The following PIEZO1 variants were observed in gnomAD, a reference collection of about 807,000 sequenced individuals.
The protein encoded by PIEZO1 is piezo type mechanosensitive ion channel component 1 (Er blood group), also known as piezo-type mechanosensitive ion channel component 1.
A neutral mutation model predicts 297.2 loss-of-function variants in PIEZO1; 296 were observed. That is an observed-to-expected ratio of 1.00 (90% CI 0.91 to 1.10). The LOEUF (loss-of-function observed/expected upper bound fraction) is 1.10, where lower values mean the gene tolerates loss of function less well. PIEZO1 is among the 50% of genes least tolerant of loss of function. The probability of loss-of-function intolerance (pLI) is 0.00; values close to 1 mark genes in which losing one functional copy is unlikely to be tolerated. For missense variants in PIEZO1, 5,018 were observed against 3,455.5 expected (o/e 1.45, Z -11.34); for synonymous variants, 2,427 against 1,507.5 (o/e 1.61, Z -14.13).
intron 1 of PIEZO1, among the ~76,000 whole-genome samples, chr16:88,757,149 G>A (rs1906703512): frequency 6.6e-6 from 1 of 152,208 alleles, no homozygotes; most frequent in African/African-American, 2.4e-5. Flanking sequence ...GGCTGAGGCA[G>A]GCAGATGGCA....
chr16:88,743,164 C>A (rs1190649411), intron 2 of PIEZO1: 1 of 455,688 alleles, frequency 2.2e-6, no homozygotes. Flanking sequence ...AGCCCCCCAG[C>A]AGGGAGGCCT....
rs1208289716 is a variant in PIEZO1, at chr16:88,726,855, G to C, written c.3559C>G (p.Leu1187Val). Residue 1187 changes from leucine (L) to valine (V), a missense_variant, in exon 25 of 51, where the codon CTG becomes GTG. Transcript: ENST00000301015. Reference protein sequence around the residue: ...TGATRISIFGLGYLLACFYLL... With the variant: ...TGATRISIFGVGYLLACFYLL... ...TAGAAGCAGGCCAGCAGGTAGCCCA[G>C]CCCGAAGATGCTGATGCGGGTGGCC... is the stretch of plus-strand genomic sequence containing the variant. The C allele has an allele frequency of 3.2e-6, 5 of 1,550,298 alleles. No homozygotes were observed. The highest frequency in any genetic ancestry group is 2.4e-5 in the East Asian group (1 of 40,930).
At position 88,722,205 on chromosome 16, in the gene PIEZO1, G is replaced by A. The variant is rs892032306; in HGVS notation, c.4955+13C>T. 1.2e-5 allele frequency: 19 copies of A among 1,542,898 alleles called. No individual in the cohort carries two copies. Among genetic ancestry groups the A allele is most frequent in the East Asian group, 2.4e-5 (1 of 40,912 alleles). ...CCATGGTGAGGCTGGTGTTGTGCGCGTCCCGCCCCCACCTGTCCAGGAGCA... is the reference window on the plus strand; with the variant it reads ...CCATGGTGAGGCTGGTGTTGTGCGCATCCCGCCCCCACCTGTCCAGGAGCA... On this transcript the variant is annotated intron_variant, in intron 36 of 50. Coordinates refer to ENST00000301015, the MANE Select transcript of PIEZO1 (RefSeq NM_001142864.4).
At chr16:88,784,315 A>AT (rs1416861016) in intron 1 of PIEZO1, among the ~76,000 whole-genome samples, 1 of 151,984 alleles carries the variant, frequency 6.6e-6, no homozygotes, top group African/African-American at 2.4e-5. Context: ...AACCCACACT[A>AT]TTTTTTTCCA....
At position 88,720,241 on chromosome 16, in the gene PIEZO1, C is replaced by T. The variant is rs1490989340; in HGVS notation, c.5992G>A (p.Asp1998Asn). Residue 1998 changes from aspartate to asparagine, a missense_variant, in exon 42 of 51, where the codon GAC (aspartate) becomes AAC (asparagine). By Grantham distance (23) the Asp-to-Asn change is conservative (BLOSUM62 1). Transcript: ENST00000301015. ...ACCAGGAAAGCCTCGGGTACCTGGT[C>T]GTCTGATAGGGAGGACGTGATGTCT... ...ATDITSSLSD[D>N]QVPEAFLVML... The T allele has an allele frequency of 2.3e-5, 36 of 1,550,526 alleles. No individual in the cohort carries two copies. The highest frequency in any genetic ancestry group is 2.7e-5 in the Non-Finnish European group (31 of 1,146,980).
chr16:88,772,304 C>T (rs897701496), intron 1 of PIEZO1, among the ~76,000 whole-genome samples: 1 of 152,204 alleles, frequency 6.6e-6, no homozygotes, highest in Non-Finnish European at 1.5e-5. Flanking sequence ...GCAAGTGAGC[C>T]GGGGGTTGGG....
At chr16:88,743,459 C>A in intron 2 of PIEZO1, 1 of 445,780 alleles carries the variant, frequency 2.2e-6, no homozygotes, top group Non-Finnish European at 4.5e-6. Flanking sequence ...CAGCTCAGGC[C>A]CTTCTCACAA....
At chr16:88,743,723 C>A in intron 2 of PIEZO1, 1 of 441,700 alleles carries the variant, frequency 2.3e-6, no homozygotes, top group Middle Eastern at 3.3e-4. Flanking sequence ...GACCGTGAAG[C>A]AGCCCTCACG....
At chr16:88,733,790 C>T (rs959758657) in intron 17 of PIEZO1, 45 bp from the exon 18 acceptor site, 138 of 1,484,326 alleles carry the variant, frequency 9.3e-5, no homozygotes, top group East Asian at 1.2e-4. Context: ...CGGGGATTCC[C>T]GGGTCCCCTG....
intron 1 of PIEZO1, among the ~76,000 whole-genome samples, chr16:88,751,473 G>T (rs145641525): frequency 2.0e-5 from 3 of 152,174 alleles, no homozygotes; most frequent in Admixed American, 2.0e-4. Flanking sequence ...GGCTCAAGGC[G>T]GCCTCGGCTT....
At chr16:88,749,115 C>T (rs1442030762) in intron 2 of PIEZO1, among the ~76,000 whole-genome samples, 1 of 151,566 alleles carries the variant, frequency 6.6e-6, no homozygotes, top group Non-Finnish European at 1.5e-5. Context: ...TGGCGGGCGC[C>T]TGTAGTCCCA....
chr16:88,724,739 G>A (rs1467741130), intron 30 of PIEZO1, among the ~76,000 whole-genome samples: 1 of 152,184 alleles, frequency 6.6e-6, no homozygotes, highest in African/African-American at 2.4e-5. Context: ...TGGGTCCCAG[G>A]TGAGATCGCT....
chr16:88,768,798 G>A (rs533787864), intron 1 of PIEZO1, among the ~76,000 whole-genome samples: 27 of 152,364 alleles, frequency 1.8e-4, no homozygotes, highest in Middle Eastern at 3.4e-3. Context: ...GGGTGGGGGC[G>A]GTGCCCACAA....
chr16:88,725,207 G>A (rs1396040178), intron 29 of PIEZO1, 127 bp from the exon 30 acceptor site: 52 of 742,874 alleles, frequency 7.0e-5, no homozygotes, highest in African/African-American at 9.0e-5. Context: ...GACGGGGGCC[G>A]TGTGGGGCCA....
At chr16:88,726,056 C>T in intron 27 of PIEZO1, 1 of 577,244 alleles carries the variant, frequency 1.7e-6, no homozygotes, top group South Asian at 2.2e-5. Context: ...AGACACCAGC[C>T]ACCGTCAGCA....
intron 1 of PIEZO1, among the ~76,000 whole-genome samples, chr16:88,779,725 G>A (rs1484253318): frequency 6.6e-6 from 1 of 152,250 alleles, no homozygotes; most frequent in Non-Finnish European, 1.5e-5. Context: ...GTCCCAAGGA[G>A]CCTCTGTGCT....
chr16:88,731,113 TACCGGCCTCCCTCCGGA>T (rs1432755554), intron 22 of PIEZO1: 1 of 156,280 alleles, frequency 6.4e-6, no homozygotes, highest in Non-Finnish European at 1.4e-5. Context: ...TCAGCAACGC[TACCGGCCTCCCTCCGGA>T]ACTTCCCAAG....
In PIEZO1 at chr16:88,734,598, G is replaced by C. The variant is rs910070855; in HGVS notation, c.1997+52C>G. On this transcript the variant is annotated intron_variant, in intron 15 of 50. Transcript: ENST00000301015. ...CCGGCAGAGCCGCTGCAGCCCCGGG[G>C]AAGTGCACGGGGTTTCGGCGCCCCT... is the stretch of plus-strand genomic sequence containing the variant. 7 of 1,547,934 alleles carry C rather than the reference G, an allele frequency of 4.5e-6. No individual in the cohort carries two copies. The Middle Eastern group carries it at 8.5e-4, about 188-fold the overall frequency.
chr16:88,765,629 G>T (rs1292089412), intron 1 of PIEZO1, among the ~76,000 whole-genome samples: 2 of 152,018 alleles, frequency 1.3e-5, no homozygotes, highest in African/African-American at 4.8e-5. Flanking sequence ...CCTGGAGCCT[G>T]GCTCCCTGGT....
Sources: allele counts gnomAD v4.1 joint callset (sites outside exome capture counted in the v4.1 genomes callset), GRCh38; gene constraint gnomAD v4.1.1; transcripts MANE v1.5; gene names NCBI Gene and HGNC (gene_info 2026-07-23, HGNC 2026-07-21).